The following SEMA4G variants were observed in gnomAD, a reference collection of about 807,000 sequenced individuals.
SEMA4G encodes the protein semaphorin-4G.
In SEMA4G, 59 loss-of-function variants were observed where a neutral mutation model predicts 81.2. The ratio of observed to expected loss-of-function variants is 0.73; its 90% CI spans 0.59 to 0.90. SEMA4G has a LOEUF of 0.90. SEMA4G is among the 40% of genes least tolerant of loss of function. The pLI is 0.00. For missense variants in SEMA4G, 952 were observed against 1,102.3 expected, an observed-to-expected ratio of 0.86 and a Z score of 1.93; for synonymous variants, 404 against 433.9, an observed-to-expected ratio of 0.93 and a Z score of 0.86.
chr10:100,975,170 G>GAACA, intron 3 of SEMA4G: 1 of 412,444 alleles, frequency 2.4e-6, no homozygotes, highest in East Asian at 6.4e-5. Context: ...CTGTGACAGT[G>GAACA]AACACCCTCA....
Position 100,981,525 on chromosome 10 carries a change from C to T in SEMA4G, c.1690+296C>T, listed in dbSNP as rs141811035. On this transcript the variant is annotated intron_variant, in intron 13 of 13. Transcript: ENST00000370250. ...TAATGGGTATTTCCCCAAGGAAGAT[C>T]GGATGACTGAACTGATATCTGAAGA... 9.5e-5 allele frequency: 153 copies of T among 1,614,024 alleles called. 1 individual carries two copies. The South Asian group carries it at 1.2e-3, about 13-fold the overall frequency.
intron 13 of SEMA4G, among the ~76,000 whole-genome samples, 183 bp from the exon 15 acceptor site, chr10:100,983,122 G>GT (rs749387921): frequency 6.6e-6 from 1 of 152,250 alleles, no homozygotes; most frequent in Non-Finnish European, 1.5e-5. Flanking sequence ...GGCACTGCCT[G>GT]CTTCCTGGGA....
downstream of SEMA4G, chr10:100,984,912 T>C: frequency 2.8e-6 from 4 of 1,452,580 alleles, no homozygotes; most frequent in Non-Finnish European, 3.6e-6. Flanking sequence ...GCTCCAGGCA[T>C]GTCCCATCCC....
intron 13 of SEMA4G, among the ~76,000 whole-genome samples, chr10:100,982,520 C>T (rs1447814242): frequency 2.6e-5 from 4 of 152,186 alleles, no homozygotes; most frequent in Admixed American, 2.6e-4. Flanking sequence ...GGGCCGGGCA[C>T]GGTGGCTCAT....
chr10:100,972,189 C>T (rs563422918), upstream of SEMA4G, among the ~76,000 whole-genome samples: 3 of 152,262 alleles, frequency 2.0e-5, no homozygotes, highest in South Asian at 4.2e-4. Context: ...AGCTGCTGAC[C>T]GAGTTGCATC....
In SEMA4G at chr10:100,973,492, A is replaced by G; in HGVS notation, c.274-55A>G. The G allele has an allele frequency of 1.3e-6, 2 of 1,567,322 alleles. No individual in the cohort carries two copies. Among genetic ancestry groups the G allele is most frequent in the South Asian group, 1.1e-5 (1 of 89,602 alleles). ...CTGTGGGGTCCTATTGCCTGGTCCT[A>G]TGAGTAATAGGTATTGGGGTCAGTG... On this transcript the variant is annotated intron_variant, in intron 2 of 13. Coordinates refer to ENST00000370250, the Ensembl canonical transcript of SEMA4G. The surrounding 1 kb of genome is among the most constrained non-coding windows in gnomAD (Gnocchi z 5.5).
exon 14 of SEMA4G, chr10:100,984,138 C>T: frequency 6.3e-7 from 1 of 1,597,810 alleles, no homozygotes; most frequent in Non-Finnish European, 8.5e-7. Context: ...CTGAGCCCAG[C>T]CTCCCAGAAC....
At chr10:100,983,758 G>A in exon 14 of SEMA4G, 1 of 1,611,878 alleles carries the variant, frequency 6.2e-7, no homozygotes, top group Non-Finnish European at 8.5e-7. Flanking sequence ...TACTCACTGG[G>A]TCGGGCCAGC....
At chr10:100,983,886 C>T in exon 14 of SEMA4G, 2 of 1,548,338 alleles carry the variant, frequency 1.3e-6, no homozygotes, top group East Asian at 2.4e-5. Flanking sequence ...CCAGATCATC[C>T]CTGGGGAGGG....
chr10:100,981,690 T>C, intron 13 of SEMA4G: 1 of 992,388 alleles, frequency 1.0e-6, no homozygotes, highest in Non-Finnish European at 1.5e-6. Flanking sequence ...ATTATCCCCA[T>C]GAGGGACCTC....
At chr10:100,972,992 C>A in exon 1 of SEMA4G, 1 of 1,614,108 alleles carries the variant, frequency 6.2e-7, no homozygotes. Context: ...CGGAGACCGT[C>A]TAGAGAACTA....
At chr10:100,984,143 C>T in exon 14 of SEMA4G, 1 of 1,595,974 alleles carries the variant, frequency 6.3e-7, no homozygotes, top group Non-Finnish European at 8.5e-7. Context: ...CCCAGCCTCC[C>T]AGAACAAATG....
chr10:100,970,204 C>G (rs1850591167), upstream of SEMA4G, among the ~76,000 whole-genome samples: 1 of 152,042 alleles, frequency 6.6e-6, no homozygotes, highest in Admixed American at 6.6e-5. Flanking sequence ...GGGGAAGAAC[C>G]CGAACTGTGG....
upstream of SEMA4G, chr10:100,969,990 G>T: frequency 2.3e-6 from 1 of 428,860 alleles, no homozygotes; most frequent in South Asian, 1.6e-5. Context: ...GGTCCCGGGG[G>T]AGGGGCTCTC....
At chr10:100,977,866 C>T (rs1323295485) in intron 4 of SEMA4G, 136 bp downstream of exon 5, 1 of 718,302 alleles carries the variant, frequency 1.4e-6, no homozygotes, top group Non-Finnish European at 2.4e-6. Context: ...ACAGGGCACT[C>T]CAGTGGCGGC....
rs781528969 is a variant in SEMA4G at position 100,978,937 on chromosome 10, GC to G, written c.733del (p.Arg245ValfsTer44). 3.3e-5 allele frequency: 54 copies of G among 1,614,186 alleles called. No homozygotes were observed. The highest frequency in any genetic ancestry group is 4.4e-5 in the Non-Finnish European group (52 of 1,180,038). On this transcript the variant is annotated frameshift_variant, in exon 7 of 14. Coordinates refer to ENST00000370250, the Ensembl canonical transcript of SEMA4G. LOFTEE classifies it high-confidence loss of function. ...ACAAGGTGTACTACTTCTTCACGGA[GC>G]GTGCCACTGAGGAGGGCTCTGGCAG...
exon 14 of SEMA4G, chr10:100,983,311 C>G: frequency 6.5e-7 from 1 of 1,541,398 alleles, no homozygotes; most frequent in South Asian, 1.3e-5. Context: ...ACAGGGCCAC[C>G]ACCACCACTG....
At position 100,980,242 on chromosome 10, in the gene SEMA4G, C is replaced by T. The variant is rs367801117; in HGVS notation, c.1249C>T (p.Arg417Trp). 2.0e-4 allele frequency: 317 copies of T among 1,614,234 alleles called. No homozygotes were observed. The highest frequency in any genetic ancestry group is 4.7e-4 in the African/African-American group (35 of 75,054). ...TCGGCCCGTTGTGCCCACACGTGGA[C>T]GGCCCCTGCTGCTCAAGCGCAACAT... The change falls in exon 10 of 14, where the codon CGG becomes TGG. Residue 417 changes from arginine (R) to tryptophan (W), a missense_variant. This residue lies in a region of SEMA4G where 131 missense variants were observed against 200.7 expected (regional missense o/e 0.65). Coordinates refer to ENST00000370250, the Ensembl canonical transcript of SEMA4G.
chr10:100,979,352 A>G, intron 8 of SEMA4G, 81 bp downstream of exon 9: 1 of 1,612,522 alleles, frequency 6.2e-7, no homozygotes, highest in South Asian at 1.1e-5. Flanking sequence ...ATGAGATAGG[A>G]TCCACTGTGG....
Sources: allele counts gnomAD v4.1 joint callset (sites outside exome capture counted in the v4.1 genomes callset), GRCh38; gene constraint gnomAD v4.1.1; regional missense constraint gnomAD v4.1.1; non-coding constraint Gnocchi (gnomAD v3.1); transcripts MANE v1.5; gene names NCBI Gene and HGNC (gene_info 2026-07-23, HGNC 2026-07-21).